The following PRKCI variants were observed in gnomAD, a reference collection of about 807,000 sequenced individuals.
PRKCI encodes protein kinase C iota.
A neutral mutation model predicts 84.0 loss-of-function variants in PRKCI; 43 were observed. That is an observed-to-expected ratio of 0.51 (90% CI 0.40 to 0.66). PRKCI has a LOEUF of 0.66. PRKCI is among the 30% of genes least tolerant of loss of function. The pLI is 0.00. For missense variants in PRKCI, 459 were observed against 745.6 expected (o/e 0.62, Z 4.48); for synonymous variants, 216 against 234.4 (o/e 0.92, Z 0.72).
intron 1 of PRKCI, among the ~76,000 whole-genome samples, chr3:170,234,921 C>T (rs1370022950): frequency 6.6e-6 from 1 of 151,816 alleles, no homozygotes; most frequent in African/African-American, 2.4e-5. Flanking sequence ...GAAGGATCCT[C>T]CCACCTCAGC....
intron 1 of PRKCI, among the ~76,000 whole-genome samples, chr3:170,225,563 T>C (rs1367077822): frequency 6.6e-6 from 1 of 151,722 alleles, no homozygotes; most frequent in African/African-American, 2.4e-5. Flanking sequence ...CCCTCTACAC[T>C]TTTCTTTTCT....
At chr3:170,283,809 A>T (rs1184461626) in intron 11 of PRKCI, among the ~76,000 whole-genome samples, 1 of 152,192 alleles carries the variant, frequency 6.6e-6, no homozygotes. Flanking sequence ...CATGATCATG[A>T]TAATGTGCCA....
At position 170,298,180 on chromosome 3, in the gene PRKCI, T is replaced by G. The variant is rs564309284; in HGVS notation, c.1587+787T>G. 1.7e-3 allele frequency among the ~76,000 whole-genome samples: 262 copies of G among 151,724 alleles called. 2 individuals carry two copies. The Middle Eastern group carries it at 0.02, about 12-fold the overall frequency. On this transcript the variant is annotated intron_variant, in intron 16 of 17. Transcript: ENST00000295797. ...GAGCCACCATGCCCAGCCAAAAAATTGAATATTAATGTAATAAAGCAGGTT... is the reference window on the plus strand; with the variant it reads ...GAGCCACCATGCCCAGCCAAAAAATGGAATATTAATGTAATAAAGCAGGTT...
At position 170,259,952 on chromosome 3, in the gene PRKCI, A is replaced by C; in HGVS notation, c.224-17A>C. 6.4e-7 allele frequency: 1 copy of C among 1,556,012 alleles called. No homozygotes were observed. Among genetic ancestry groups the C allele is most frequent in the Non-Finnish European group, 8.8e-7 (1 of 1,141,020 alleles). ...GGGGTTTTAAAGTGACCTTTACTTT[A>C]CTTTTGTGTTTTTTAGGAGACCCGT... On this transcript the variant is annotated splice_polypyrimidine_tract_variant and intron_variant, in intron 2 of 17. Coordinates refer to ENST00000295797, the MANE Select transcript of PRKCI (RefSeq NM_002740.6).
chr3:170,245,995 C>T (rs1733274558), intron 2 of PRKCI, among the ~76,000 whole-genome samples: 1 of 141,668 alleles, frequency 7.1e-6, no homozygotes, highest in Non-Finnish European at 1.5e-5. Context: ...TTCTTTGTCA[C>T]CCAGGCTGGA....
At chr3:170,238,821 C>T (rs1733048008) in intron 2 of PRKCI, among the ~76,000 whole-genome samples, 1 of 152,060 alleles carries the variant, frequency 6.6e-6, no homozygotes, top group South Asian at 2.1e-4. Context: ...TGAACTCTGG[C>T]CTCAAGTGAT....
At position 170,273,337 on chromosome 3, in the gene PRKCI, A is replaced by T. The variant is rs766040399; in HGVS notation, c.643A>T (p.Thr215Ser). ...QSSMHSDHAQ[T>S]VIPYNPSSHE... Reference sequence around the variant, plus strand: ...ATCCATGCATTCTGACCATGCACAGACAGGTAAGAGTGGTGCTGGCACAAC... The same window carrying T: ...ATCCATGCATTCTGACCATGCACAGTCAGGTAAGAGTGGTGCTGGCACAAC... The change falls in exon 7 of 18, where the codon ACA (threonine) becomes TCA (serine). Residue 215 changes from threonine (T) to serine (S), a missense_variant. Thr to Ser is a moderately conservative substitution (Grantham distance 58). Transcript: ENST00000295797. 34 of 1,613,414 alleles carry T rather than the reference A, an allele frequency of 2.1e-5. No homozygotes were observed. The highest frequency in any genetic ancestry group is 2.5e-5 in the Non-Finnish European group (29 of 1,179,508).
chr3:170,289,631 G>A (rs1458471498), intron 12 of PRKCI, among the ~76,000 whole-genome samples: 2 of 152,118 alleles, frequency 1.3e-5, no homozygotes, highest in Non-Finnish European at 1.5e-5. Flanking sequence ...AAAAGCCAGA[G>A]GCTCGGCACA....
At chr3:170,231,418 G>A (rs941100905) in intron 1 of PRKCI, among the ~76,000 whole-genome samples, 7 of 151,960 alleles carry the variant, frequency 4.6e-5, no homozygotes, top group African/African-American at 1.7e-4. Context: ...TCATCTGCAA[G>A]TAGCAATTTT....
At chr3:170,268,566 T>C (rs1471982268) in intron 5 of PRKCI, among the ~76,000 whole-genome samples, 1 of 151,480 alleles carries the variant, frequency 6.6e-6, no homozygotes, top group African/African-American at 2.4e-5. Context: ...TTTTAAAATA[T>C]AATTTAAGGC....
intron 14 of PRKCI, among the ~76,000 whole-genome samples, chr3:170,294,640 A>G (rs1423079082): frequency 6.6e-6 from 1 of 152,222 alleles, no homozygotes; most frequent in Non-Finnish European, 1.5e-5. Context: ...TGCATATTAT[A>G]TATGCTAAGC....
intron 4 of PRKCI, 110 bp from the exon 5 acceptor site, chr3:170,267,805 A>ATTTTT: frequency 1.5e-6 from 1 of 652,482 alleles, no homozygotes; most frequent in Non-Finnish European, 2.4e-6. Context: ...TTTTATCAGT[A>ATTTTT]TTTTTTTTTC....
chr3:170,230,369 C>T (rs574724517), intron 1 of PRKCI, among the ~76,000 whole-genome samples: 23 of 152,070 alleles, frequency 1.5e-4, no homozygotes, highest in South Asian at 2.1e-4. Context: ...CTTGCTCAGT[C>T]GCCCAGGCTG....
intron 10 of PRKCI, 100 bp downstream of exon 10, chr3:170,281,363 G>A: frequency 1.1e-6 from 1 of 900,502 alleles, no homozygotes; most frequent in Non-Finnish European, 1.8e-6. Flanking sequence ...TTGATATCAT[G>A]GAGGATGCAA....
intron 4 of PRKCI, among the ~76,000 whole-genome samples, chr3:170,264,925 C>T (rs1254949421): frequency 6.6e-6 from 1 of 151,996 alleles, no homozygotes; most frequent in East Asian, 1.9e-4. Context: ...GTGGCTCATG[C>T]CTGTAACCCT....
Position 170,280,340 on chromosome 3 carries a change from A to G in PRKCI, c.819A>G (p.Leu273=), listed in dbSNP as rs150239950. 5.6e-6 allele frequency: 9 copies of G among 1,610,842 alleles called. No homozygotes were observed. The highest frequency in any genetic ancestry group is 7.6e-6 in the Non-Finnish European group (9 of 1,178,014). The change falls in exon 9 of 18, where the codon TTA becomes TTG. Residue 273 remains leucine, a synonymous_variant. Coordinates refer to ENST00000295797, the MANE Select transcript of PRKCI (RefSeq NM_002740.6). The stretch of plus-strand genomic sequence containing the variant: ...ATGCCAAAGTACTGTTGGTTCGATT[A>G]AAAAAAACAGATCGTATTTATGCAA... ...GSYAKVLLVR[L]KKTDRIYAMK...
chr3:170,287,338 T>TAG lies in PRKCI; in HGVS notation c.1203+2755_1203+2756dup, dbSNP rs141517268. Among the ~76,000 whole-genome samples the TAG allele has an allele frequency of 4.5e-3, 676 of 149,214 alleles. 2 individuals are homozygous for TAG. Among genetic ancestry groups the TAG allele is most frequent in the African/African-American group, 9.0e-3 (367 of 40,624 alleles). On this transcript the variant is annotated intron_variant, in intron 12 of 17. Transcript: ENST00000295797. Reference sequence around the variant, plus strand: ...ATCCTATCTAAAATATATATATATATAGAGAGAGAGAGAGTAATAAATATA... The same window carrying TAG: ...ATCCTATCTAAAATATATATATATATAGAGAGAGAGAGAGAGTAATAAATATA...
At chr3:170,293,155 G>A (rs1269822487) in intron 13 of PRKCI, among the ~76,000 whole-genome samples, 1 of 151,580 alleles carries the variant, frequency 6.6e-6, no homozygotes, top group African/African-American at 2.4e-5. Context: ...CATGGAGAAA[G>A]AAAGTTTTTT....
At chr3:170,297,664 C>T (rs1356919655) in intron 16 of PRKCI, among the ~76,000 whole-genome samples, 1 of 151,338 alleles carries the variant, frequency 6.6e-6, no homozygotes, top group African/African-American at 2.4e-5. Flanking sequence ...CAATGTCGGC[C>T]AGGCTGGTCT....
Sources: gnomAD v4.1 joint callset for allele counts (sites outside exome capture counted in the v4.1 genomes callset) on GRCh38, gnomAD v4.1.1 for gene constraint, MANE v1.5 for transcripts, NCBI Gene and HGNC (gene_info 2026-07-23, HGNC 2026-07-21) for gene names.